The following FHIT variants were observed in gnomAD, a reference collection of about 807,000 sequenced individuals.
FHIT encodes the protein bis(5'-adenosyl)-triphosphatase.
A neutral mutation model predicts 17.9 loss-of-function variants in FHIT; 19 were observed. The observed-to-expected ratio is 1.06, with a 90% CI of 0.74 to 1.56. FHIT has a LOEUF of 1.56. FHIT is among the 40% of genes most tolerant of loss of function. FHIT has a pLI of 0.00. For synonymous variants in FHIT, 81 were observed against 69.7 expected, an observed-to-expected ratio of 1.16 and a Z score of -0.81; for missense variants, 248 against 189.2, an observed-to-expected ratio of 1.31 and a Z score of -1.82.
At chr3:60,270,979 A>G (rs991769539) in intron 5 of FHIT, among the ~76,000 whole-genome samples, 25 of 152,208 alleles carry the variant, frequency 1.6e-4, no homozygotes, top group African/African-American at 5.3e-4. Context: ...TCAGTAATAG[A>G]GGACTTATGC....
At chr3:60,547,266 T>C (rs1391975257) in intron 4 of FHIT, among the ~76,000 whole-genome samples, 1 of 152,176 alleles carries the variant, frequency 6.6e-6, no homozygotes, top group East Asian at 1.9e-4. Context: ...TCTTAGCAAA[T>C]ATGGAGATGG....
rs528911316 is a variant in FHIT at position 60,710,709 on chromosome 3, G to A, written c.-18+111210C>T. On this transcript the variant is annotated intron_variant, in intron 4 of 9. Transcript: ENST00000492590. ...TGAGATCAAACTGCAAGGCGGCAGCGAGGCTGGGGAAGGGGCGACCGCCAT... is the reference window on the plus strand; with the variant it reads ...TGAGATCAAACTGCAAGGCGGCAGCAAGGCTGGGGAAGGGGCGACCGCCAT... Among the ~76,000 whole-genome samples the A allele has an allele frequency of 3.4e-4, 52 of 152,306 alleles. 1 individual carries two copies. Among genetic ancestry groups the A allele is most frequent in the East Asian group, 3.9e-4 (2 of 5,156 alleles).
intron 2 of FHIT, among the ~76,000 whole-genome samples, chr3:61,146,090 C>G (rs144700881): frequency 2.0e-5 from 3 of 152,142 alleles, no homozygotes; most frequent in African/African-American, 7.2e-5. Context: ...TGATCACTCT[C>G]CACAGGAAAG....
intron 8 of FHIT, among the ~76,000 whole-genome samples, chr3:59,839,318 CA>C (rs11288370): frequency 0.92 from 122,610 of 132,598 alleles, 56,912 homozygotes; most frequent in South Asian, 0.99. Context: ...ACTTCATTTT[CA>C]AAAAAAAAAA....
At chr3:59,872,288 C>A (rs1287482814) in intron 8 of FHIT, among the ~76,000 whole-genome samples, 1 of 152,060 alleles carries the variant, frequency 6.6e-6, no homozygotes. Context: ...TGGGCTCAGG[C>A]AATTACAGGA....
intron 5 of FHIT, among the ~76,000 whole-genome samples, chr3:60,286,588 T>C (rs9879860): frequency 0.094 from 14,307 of 152,220 alleles, 856 homozygotes; most frequent in Non-Finnish European, 0.13. Context: ...ATTTTTTATC[T>C]CAAACAGAGT....
At chr3:61,031,973 C>G (rs981034915) in intron 3 of FHIT, among the ~76,000 whole-genome samples, 2 of 152,212 alleles carry the variant, frequency 1.3e-5, no homozygotes, top group Admixed American at 1.3e-4. Flanking sequence ...CTCAGATGCT[C>G]ATGGCCGGTG....
chr3:60,853,418 T>A (rs1703234153), intron 3 of FHIT, among the ~76,000 whole-genome samples: 1 of 152,092 alleles, frequency 6.6e-6, no homozygotes, highest in African/African-American at 2.4e-5. Context: ...GCCCCTGGAA[T>A]CATGACTAAC....
At chr3:60,986,550 G>A (rs2107569092) in intron 3 of FHIT, among the ~76,000 whole-genome samples, 1 of 152,274 alleles carries the variant, frequency 6.6e-6, no homozygotes, top group East Asian at 1.9e-4. Context: ...ACTGCCAACA[G>A]TAAATCTTTC....
intron 3 of FHIT, among the ~76,000 whole-genome samples, chr3:60,876,092 C>A (rs544448065): frequency 2.6e-5 from 4 of 152,086 alleles, no homozygotes; most frequent in African/African-American, 9.6e-5. Context: ...GATAAATAAC[C>A]TCAGGTTATC....
chr3:60,498,976 G>C (rs1047057855), intron 5 of FHIT, among the ~76,000 whole-genome samples: 49 of 152,204 alleles, frequency 3.2e-4, no homozygotes, highest in Non-Finnish European at 6.8e-4. Context: ...AATACTTCAT[G>C]TGTTATCTTG....
intron 8 of FHIT, among the ~76,000 whole-genome samples, chr3:59,848,853 T>C (rs370303879): frequency 3.2e-4 from 49 of 152,296 alleles, no homozygotes; most frequent in African/African-American, 1.2e-3. Context: ...GGGAAAAAGA[T>C]CTCATTTCAG....
At chr3:60,963,285 T>C (rs1040554953) in intron 3 of FHIT, among the ~76,000 whole-genome samples, 11 of 152,254 alleles carry the variant, frequency 7.2e-5, no homozygotes, top group Admixed American at 3.9e-4. Context: ...ATCCCCTTTA[T>C]CATTTTTTAT....
rs771311106 is a variant in FHIT, at chr3:59,793,572, G to A, written c.349-41251C>T. Among the ~76,000 whole-genome samples the A allele has an allele frequency of 5.3e-5, 8 of 152,004 alleles. No individual in the cohort carries two copies. In the South Asian group the frequency reaches 1.0e-3, roughly 20 times the overall value. On this transcript the variant is annotated intron_variant, in intron 8 of 9. Coordinates refer to ENST00000492590, the MANE Select transcript of FHIT (RefSeq NM_002012.4). ...CAAACCTTCCCCCTCTTCCCCTCTC[G>A]CACTGCCTCCCCAGAAGCTCAGTCC...
At chr3:60,876,934 C>G (rs782632327) in intron 3 of FHIT, among the ~76,000 whole-genome samples, 96 of 152,260 alleles carry the variant, frequency 6.3e-4, no homozygotes, top group South Asian at 1.2e-3. Context: ...CACCCTATCC[C>G]CAGCTGAGAT....
intron 5 of FHIT, among the ~76,000 whole-genome samples, chr3:60,055,740 CAG>C (rs1702056215): frequency 6.6e-6 from 1 of 152,232 alleles, no homozygotes; most frequent in South Asian, 2.1e-4. Context: ...AACTTTAGCT[CAG>C]AGAGGTTAAA....
intron 2 of FHIT, among the ~76,000 whole-genome samples, chr3:61,054,474 G>A (rs1159945328): frequency 1.3e-5 from 2 of 152,014 alleles, no homozygotes; most frequent in Non-Finnish European, 2.9e-5. Context: ...GTTAATAGTA[G>A]CATCAGCTAA....
chr3:60,661,018 G>C (rs1244929124), intron 4 of FHIT, among the ~76,000 whole-genome samples: 1 of 151,680 alleles, frequency 6.6e-6, no homozygotes, highest in Non-Finnish European at 1.5e-5. Flanking sequence ...TATGCCTTTG[G>C]TGTTAAATCT....
intron 3 of FHIT, among the ~76,000 whole-genome samples, chr3:61,038,858 C>T (rs2033376268): frequency 6.6e-6 from 1 of 152,142 alleles, no homozygotes; most frequent in Non-Finnish European, 1.5e-5. Flanking sequence ...TCTCTTATAA[C>T]TGCTTAAGAA....
Sources: allele counts gnomAD v4.1 joint callset (sites outside exome capture counted in the v4.1 genomes callset), GRCh38; gene constraint gnomAD v4.1.1; transcripts MANE v1.5; gene names NCBI Gene and HGNC (gene_info 2026-07-23, HGNC 2026-07-21).